Variants in MSRB3 observed in about 807,000 individuals in gnomAD.
MSRB3 encodes methionine-R-sulfoxide reductase B3.
MSRB3 carries 13 observed loss-of-function variants against 21.0 expected under a neutral mutation model. The observed-to-expected ratio is 0.62, with a 90% confidence interval of 0.40 to 0.98. The LOEUF is 0.98. MSRB3 is among the 50% of genes least tolerant of loss of function. The probability of loss-of-function intolerance (pLI) is 0.00; values close to 1 mark genes in which losing one functional copy is unlikely to be tolerated. For missense variants in MSRB3, 199 were observed against 230.3 expected (o/e 0.86, Z 0.88); for synonymous variants, 87 against 88.6 (o/e 0.98, Z 0.10).
At chr12:65,406,637 C>G (rs892702861) in intron 5 of MSRB3, among the ~76,000 whole-genome samples, 1 of 152,140 alleles carries the variant, frequency 6.6e-6, no homozygotes, top group African/African-American at 2.4e-5. Context: ...CCAAAGCAAT[C>G]TTGAGCAAAA....
chr12:65,288,553 TTTTAAAGATTTAGTA>T (rs1339684048), intron 1 of MSRB3, among the ~76,000 whole-genome samples: 2 of 152,194 alleles, frequency 1.3e-5, no homozygotes, highest in African/African-American at 4.8e-5. Flanking sequence ...TACATAACCC[TTTTAAAGATTTAGTA>T]TTTAAAGAAT....
chr12:65,432,675 T>A (rs1412224827), intron 5 of MSRB3, among the ~76,000 whole-genome samples: 1 of 151,674 alleles, frequency 6.6e-6, no homozygotes. Context: ...TTTTTTTCCA[T>A]TAGTTAGAAT....
chr12:65,326,619 C>T (rs1875049054), intron 2 of MSRB3, among the ~76,000 whole-genome samples: 1 of 152,136 alleles, frequency 6.6e-6, no homozygotes, highest in Non-Finnish European at 1.5e-5. Flanking sequence ...GTCACTGCTC[C>T]AGTGGAATCA....
intron 2 of MSRB3, among the ~76,000 whole-genome samples, chr12:65,320,655 T>C (rs1303781654): frequency 6.6e-6 from 1 of 152,196 alleles, no homozygotes. Context: ...ACTCTGATCA[T>C]ACGTTGAAAG....
At chr12:65,410,461 G>A (rs765155948) in intron 5 of MSRB3, among the ~76,000 whole-genome samples, 2 of 152,108 alleles carry the variant, frequency 1.3e-5, no homozygotes, top group African/African-American at 4.8e-5. Context: ...GGACAACAGA[G>A]TGAAACCCTG....
rs752672139 is a variant in MSRB3, at chr12:65,396,704, AAAAGAAAGAAAGAAAG to A, written c.292+27714_292+27729del. Among the ~76,000 whole-genome samples the A allele has an allele frequency of 3.0e-3, 160 of 54,146 alleles. 1 individual carries two copies. Among genetic ancestry groups the A allele is most frequent in the South Asian group, 0.012 (15 of 1,264 alleles). 35.5% of individuals were successfully genotyped at this position (54,146 alleles called of 152,430 possible). On this transcript the variant is annotated intron_variant, in intron 5 of 6. Coordinates refer to ENST00000308259, the MANE Select transcript of MSRB3 (RefSeq NM_001031679.3). ...GAAACTCCATCTCAAAAAAAAAAAA[AAAAGAAAGAAAGAAAG>A]AAAGAAAGAAAGAAAGAAAGAAAGA...
At chr12:65,364,901 T>C (rs182169202) in intron 4 of MSRB3, among the ~76,000 whole-genome samples, 2 of 152,336 alleles carry the variant, frequency 1.3e-5, no homozygotes, top group East Asian at 3.9e-4. Context: ...CTGTATTCTT[T>C]TGAGTGTTCA....
intron 5 of MSRB3, among the ~76,000 whole-genome samples, chr12:65,435,009 C>T (rs1489314651): frequency 6.6e-6 from 1 of 151,752 alleles, no homozygotes; most frequent in Non-Finnish European, 1.5e-5. Context: ...TTGATGGTGG[C>T]TGTGGAATGG....
intron 6 of MSRB3, among the ~76,000 whole-genome samples, chr12:65,459,373 T>C (rs1201649261): frequency 6.6e-6 from 1 of 152,226 alleles, no homozygotes; most frequent in East Asian, 1.9e-4. Flanking sequence ...TTGCTGATGA[T>C]TAAAGATACA....
intron 2 of MSRB3, among the ~76,000 whole-genome samples, chr12:65,314,979 A>G (rs1874203158): frequency 6.6e-6 from 1 of 152,214 alleles, no homozygotes; most frequent in Non-Finnish European, 1.5e-5. Flanking sequence ...AAAATGAGCT[A>G]ACTCTTGCTC....
rs143891768 is a variant in MSRB3, at chr12:65,321,772, A to G, written c.77-5054A>G. On this transcript the variant is annotated intron_variant, in intron 2 of 6. Coordinates refer to ENST00000308259, the MANE Select transcript of MSRB3 (RefSeq NM_001031679.3). The stretch of plus-strand genomic sequence containing the variant: ...TCTAACACTATACTATGCCTGAAGT[A>G]AAAATTTGCTTAGTTTTCCAGTGAC... Among the ~76,000 whole-genome samples, 29 of 152,330 alleles carry G rather than the reference A, an allele frequency of 1.9e-4. No homozygotes were observed. The East Asian group carries it at 4.8e-3, about 25-fold the overall frequency.
intron 5 of MSRB3, chr12:65,419,112 A>G (rs1484186239): frequency 2.9e-6 from 2 of 685,864 alleles, no homozygotes; most frequent in Middle Eastern, 3.4e-4. Flanking sequence ...ACTGGGCTGT[A>G]TGTTACAGCT....
At chr12:65,333,972 A>G (rs1163678024) in intron 4 of MSRB3, among the ~76,000 whole-genome samples, 2 of 152,238 alleles carry the variant, frequency 1.3e-5, no homozygotes, top group South Asian at 2.1e-4. Flanking sequence ...ATAACAGTGC[A>G]CAAGATAGAT....
At chr12:65,452,016 T>C (rs764733435) in intron 5 of MSRB3, among the ~76,000 whole-genome samples, 2 of 152,164 alleles carry the variant, frequency 1.3e-5, no homozygotes, top group African/African-American at 4.8e-5. Context: ...TAGAACAAGA[T>C]AAATAAATAT....
intron 5 of MSRB3, among the ~76,000 whole-genome samples, chr12:65,451,783 T>G (rs1297935501): frequency 6.6e-6 from 1 of 152,228 alleles, no homozygotes; most frequent in African/African-American, 2.4e-5. Context: ...TTCTCTCTCT[T>G]TCTTGTGGAA....
intron 5 of MSRB3, among the ~76,000 whole-genome samples, chr12:65,439,217 T>G (rs1364447551): frequency 1.3e-5 from 2 of 151,740 alleles, no homozygotes; most frequent in African/African-American, 4.8e-5. Flanking sequence ...AAAAAGGTAC[T>G]ATTCATGAAG....
intron 4 of MSRB3, among the ~76,000 whole-genome samples, chr12:65,333,637 T>C (rs1324175414): frequency 6.6e-6 from 1 of 152,180 alleles, no homozygotes; most frequent in African/African-American, 2.4e-5. Context: ...CTACTAGAAA[T>C]CTTTTAAGCC....
At chr12:65,324,577 A>T (rs924461974) in intron 2 of MSRB3, among the ~76,000 whole-genome samples, 11 of 152,150 alleles carry the variant, frequency 7.2e-5, no homozygotes. Context: ...TTTTTCTTGT[A>T]CAAATACTTG....
intron 5 of MSRB3, among the ~76,000 whole-genome samples, chr12:65,386,278 G>T (rs1456425902): frequency 6.6e-6 from 1 of 151,976 alleles, no homozygotes; most frequent in East Asian, 1.9e-4. Flanking sequence ...TATGCAGATT[G>T]TTTATTTACA....
Sources: gnomAD v4.1 joint callset for allele counts (sites outside exome capture counted in the v4.1 genomes callset) on GRCh38, gnomAD v4.1.1 for gene constraint, MANE v1.5 for transcripts, NCBI Gene and HGNC (gene_info 2026-07-23, HGNC 2026-07-21) for gene names.